Variants in STXBP6 observed in about 807,000 individuals in gnomAD.
STXBP6 encodes the protein syntaxin binding protein 6, also known as syntaxin-binding protein 6.
STXBP6 carries 21 observed loss-of-function variants against 26.9 expected under a neutral mutation model. The ratio of observed to expected loss-of-function variants is 0.78; its 90% confidence interval spans 0.55 to 1.12. STXBP6 has a LOEUF of 1.12. Among genes scored for constraint, STXBP6 ranks in the 50% most tolerant of loss-of-function variants. The probability of loss-of-function intolerance (pLI) is 0.00; values close to 1 mark genes in which losing one functional copy is unlikely to be tolerated. For missense variants in STXBP6, 232 were observed against 257.9 expected (o/e 0.90, Z 0.69); for synonymous variants, 97 against 92.6 (o/e 1.05, Z -0.27).
At chr14:24,952,626 T>C (rs1346348838) in intron 2 of STXBP6, among the ~76,000 whole-genome samples, 1 of 152,176 alleles carries the variant, frequency 6.6e-6, no homozygotes, top group Non-Finnish European at 1.5e-5. Context: ...AAAACTCTCT[T>C]TGTCATTACA....
intron 4 of STXBP6, among the ~76,000 whole-genome samples, chr14:24,828,414 C>T (rs953112066): frequency 6.6e-6 from 1 of 151,944 alleles, no homozygotes; most frequent in African/African-American, 2.4e-5. Context: ...ATAAAATGTA[C>T]AAAAATGAAG....
rs77705211 is a variant in STXBP6 at position 25,009,238 on chromosome 14, A to G, written c.-32-34388T>C. The stretch of plus-strand genomic sequence containing the variant: ...ATGAAATTTCAAAACAGTTCAATAA[A>G]TGGAGAATTCTTATCACTGGGTCCT... On this transcript the variant is annotated intron_variant, in intron 1 of 5. Transcript: ENST00000323944. Among the ~76,000 whole-genome samples the G allele has an allele frequency of 4.5e-3, 691 of 152,340 alleles. 5 individuals are homozygous for G. Among genetic ancestry groups the G allele is most frequent in the African/African-American group, 0.014 (570 of 41,580 alleles).
intron 2 of STXBP6, among the ~76,000 whole-genome samples, chr14:24,945,936 T>C (rs1209527589): frequency 6.6e-6 from 1 of 151,908 alleles, no homozygotes; most frequent in African/African-American, 2.4e-5. Context: ...CTCAAGAGAG[T>C]AGAACAATGA....
intron 2 of STXBP6, among the ~76,000 whole-genome samples, chr14:24,912,617 A>G (rs2071615617): frequency 6.6e-6 from 1 of 152,324 alleles, no homozygotes; most frequent in South Asian, 2.1e-4. Flanking sequence ...CAATTTATTA[A>G]AAGAATAAGG....
At chr14:25,026,932 C>A (rs1328945703) in intron 1 of STXBP6, among the ~76,000 whole-genome samples, 1 of 152,146 alleles carries the variant, frequency 6.6e-6, no homozygotes, top group Non-Finnish European at 1.5e-5. Context: ...AGTGAATACA[C>A]AGAGCAGGAA....
chr14:24,835,719 A>C (rs1386962055), intron 4 of STXBP6, among the ~76,000 whole-genome samples: 1 of 152,228 alleles, frequency 6.6e-6, no homozygotes, highest in African/African-American at 2.4e-5. Flanking sequence ...GTTTGGAATA[A>C]ACAAAGTAGA....
chr14:24,846,337 T>G (rs2068960545), intron 4 of STXBP6, among the ~76,000 whole-genome samples: 1 of 152,202 alleles, frequency 6.6e-6, no homozygotes, highest in Non-Finnish European at 1.5e-5. Context: ...CTAAGTTCTC[T>G]GAATATCCCT....
At chr14:24,872,139 A>C (rs568807044) in intron 2 of STXBP6, among the ~76,000 whole-genome samples, 1 of 152,358 alleles carries the variant, frequency 6.6e-6, no homozygotes, top group African/African-American at 2.4e-5. Context: ...TTACTTTTTC[A>C]AACAGAAATT....
intron 1 of STXBP6, among the ~76,000 whole-genome samples, chr14:24,991,471 T>C (rs944610870): frequency 5.3e-5 from 8 of 152,144 alleles, no homozygotes; most frequent in African/African-American, 1.9e-4. Context: ...ATGTGTAATA[T>C]GATGTTGTTA....
In STXBP6 at chr14:24,832,169, A is replaced by G. The variant is rs149111086; in HGVS notation, c.452-12975T>C. On this transcript the variant is annotated intron_variant, in intron 4 of 5. Transcript: ENST00000323944. ...GCATGTACACATGTGCCAGTTTATG[A>G]TTTCAATATACAATACTACCTAGCT... 4.2e-3 allele frequency among the ~76,000 whole-genome samples: 643 copies of G among 152,270 alleles called. 2 individuals carry two copies. The highest frequency in any genetic ancestry group is 0.014 in the African/African-American group (583 of 41,548).
intron 2 of STXBP6, among the ~76,000 whole-genome samples, chr14:24,919,725 T>C (rs1419805739): frequency 6.6e-6 from 1 of 152,016 alleles, no homozygotes; most frequent in Admixed American, 6.6e-5. Flanking sequence ...AGTGACTTGG[T>C]TTATTAAATA....
chr14:24,817,439 T>C (rs17108412), intron 5 of STXBP6: 2,414 of 153,072 alleles, frequency 0.016, 68 homozygotes, highest in African/African-American at 0.054. Flanking sequence ...GCACTATTGA[T>C]TGCTCTATTC....
intron 2 of STXBP6, among the ~76,000 whole-genome samples, chr14:24,865,820 T>C (rs1324904318): frequency 2.0e-5 from 3 of 152,096 alleles, no homozygotes; most frequent in Non-Finnish European, 4.4e-5. Flanking sequence ...AAGTAAAATA[T>C]ATAGCAACAG....
chr14:24,868,006 G>A (rs2069785156), intron 2 of STXBP6, among the ~76,000 whole-genome samples: 4 of 152,148 alleles, frequency 2.6e-5, no homozygotes, highest in Admixed American at 2.6e-4. Context: ...AGACCAGCCT[G>A]GGCAACATGG....
At chr14:24,829,065 C>G (rs965166393) in intron 4 of STXBP6, among the ~76,000 whole-genome samples, 1 of 152,020 alleles carries the variant, frequency 6.6e-6, no homozygotes, top group Non-Finnish European at 1.5e-5. Context: ...GGCCCTGTGC[C>G]CCCTGTGCCC....
At chr14:24,990,993 G>T (rs2074457230) in intron 1 of STXBP6, among the ~76,000 whole-genome samples, 1 of 150,760 alleles carries the variant, frequency 6.6e-6, no homozygotes, top group African/African-American at 2.4e-5. Context: ...GAGGAGAAGA[G>T]AAAAAGGAGA....
chr14:24,817,155 G>A (rs1273909691), intron 5 of STXBP6: 1 of 152,156 alleles, frequency 6.6e-6, no homozygotes, highest in Admixed American at 6.5e-5. Context: ...AACACAAGAT[G>A]TTAACTACTA....
At chr14:25,010,790 G>T (rs1002595123) in intron 1 of STXBP6, 2 of 151,636 alleles carry the variant, frequency 1.3e-5, no homozygotes, top group Non-Finnish European at 2.9e-5. Context: ...TCTTTTCTTT[G>T]GGGGATAGGA....
chr14:24,958,492 G>T (rs1399787091), intron 2 of STXBP6, among the ~76,000 whole-genome samples: 1 of 152,084 alleles, frequency 6.6e-6, no homozygotes, highest in East Asian at 1.9e-4. Flanking sequence ...GATAAAATTA[G>T]ATTTTGGAAG....
Sources: allele counts gnomAD v4.1 joint callset (sites outside exome capture counted in the v4.1 genomes callset), GRCh38; gene constraint gnomAD v4.1.1; transcripts MANE v1.5; gene names NCBI Gene and HGNC (gene_info 2026-07-23, HGNC 2026-07-21).